Variants in GPC5 observed in about 807,000 individuals in gnomAD.
The protein encoded by GPC5 is glypican 5.
Under a neutral mutation model 53.9 loss-of-function variants are expected in GPC5, and 47 were observed. That is an observed-to-expected ratio of 0.87 (90% confidence interval 0.69 to 1.11). The LOEUF is 1.11. GPC5 is among the 50% of genes most tolerant of loss of function. GPC5 has a pLI of 0.00. For missense variants in GPC5, 748 were observed against 713.1 expected, an observed-to-expected ratio of 1.05 and a Z score of -0.56; for synonymous variants, 286 against 263.3, an observed-to-expected ratio of 1.09 and a Z score of -0.84.
At chr13:92,129,106 G>T (rs1273178837) in intron 6 of GPC5, among the ~76,000 whole-genome samples, 3 of 152,190 alleles carry the variant, frequency 2.0e-5, no homozygotes, top group African/African-American at 4.8e-5. Flanking sequence ...GCTGAATAGG[G>T]TGAAATGCTA....
At chr13:92,835,126 GATTT>G (rs2138825934) in intron 7 of GPC5, among the ~76,000 whole-genome samples, 1 of 151,924 alleles carries the variant, frequency 6.6e-6, no homozygotes, top group African/African-American at 2.4e-5. Flanking sequence ...TTTATTTTCA[GATTT>G]ATTACCAAAT....
At chr13:92,031,858 T>TATATAATATATTACATATTATATATA (rs2040852897) in intron 6 of GPC5, among the ~76,000 whole-genome samples, 1 of 83,280 alleles carries the variant, frequency 1.2e-5, no homozygotes, top group Non-Finnish European at 2.2e-5. Context: ...TTATATATAA[T>TATATAATATATTACATATTATATATA]ATATATATTA....
chr13:92,112,379 A>T (rs962749825), intron 6 of GPC5, among the ~76,000 whole-genome samples: 8 of 152,202 alleles, frequency 5.3e-5, no homozygotes, highest in Non-Finnish European at 8.8e-5. Context: ...GAAGTAGATT[A>T]AGAAGTGATG....
In GPC5 at chr13:92,385,738, T is replaced by C. The variant is rs567849398; in HGVS notation, c.1561+240749T>C. Among the ~76,000 whole-genome samples, 12 of 143,572 alleles carry C rather than the reference T, an allele frequency of 8.4e-5. No individual in the cohort carries two copies. In the South Asian group the frequency reaches 2.6e-3, roughly 31 times the overall value. The allele number at this position is 143,572 out of a possible 152,430, so 94.2% of individuals were successfully genotyped here. A position where few individuals can be genotyped will look rare whatever the true frequency, so the allele number is the denominator to read the frequency against. On this transcript the variant is annotated intron_variant, in intron 7 of 7. Transcript: ENST00000377067. ...ATATATACATATATACATGTATATATACGTATATATACACGTGTATATATA... is the reference window on the plus strand; with the variant it reads ...ATATATACATATATACATGTATATACACGTATATATACACGTGTATATATA...
At chr13:91,926,341 A>T (rs2039767360) in intron 6 of GPC5, among the ~76,000 whole-genome samples, 1 of 147,284 alleles carries the variant, frequency 6.8e-6, no homozygotes, top group Non-Finnish European at 1.5e-5. Context: ...AGGCTGGGTG[A>T]CAGAGTGAGA....
chr13:91,576,817 C>G (rs2032155438), intron 2 of GPC5, among the ~76,000 whole-genome samples: 1 of 152,118 alleles, frequency 6.6e-6, no homozygotes, highest in African/African-American at 2.4e-5. Context: ...CCAAACTCAG[C>G]TGAAGCCACC....
intron 7 of GPC5, among the ~76,000 whole-genome samples, chr13:92,254,947 G>T (rs2042717262): frequency 6.6e-6 from 1 of 151,886 alleles, no homozygotes; most frequent in Non-Finnish European, 1.5e-5. Flanking sequence ...ATATCACCAT[G>T]GATGGAAAAT....
At chr13:91,793,929 G>A (rs1324193070) in intron 5 of GPC5, among the ~76,000 whole-genome samples, 2 of 152,138 alleles carry the variant, frequency 1.3e-5, no homozygotes, top group East Asian at 3.9e-4. Context: ...TACAATTCGA[G>A]ATGAGATTTG....
chr13:92,021,486 G>T (rs1372740887), intron 6 of GPC5, among the ~76,000 whole-genome samples: 1 of 152,118 alleles, frequency 6.6e-6, no homozygotes, highest in Non-Finnish European at 1.5e-5. Flanking sequence ...GAACTGGGAA[G>T]GTTCTAATCA....
chr13:91,673,873 C>T lies in GPC5; in HGVS notation c.326-19314C>T, dbSNP rs566375469. Among the ~76,000 whole-genome samples the T allele has an allele frequency of 1.7e-4, 26 of 152,202 alleles. No homozygotes were observed. The South Asian group carries it at 5.2e-3, about 30-fold the overall frequency. ...CCTTTCTTTCCTCTTCTTTTACTCT[C>T]GTGATGAGGCCCTAGTGTTATCATT... On this transcript the variant is annotated intron_variant, in intron 2 of 7. Transcript: ENST00000377067.
intron 7 of GPC5, among the ~76,000 whole-genome samples, chr13:92,785,754 G>C (rs1195152822): frequency 6.6e-6 from 1 of 152,178 alleles, no homozygotes; most frequent in African/African-American, 2.4e-5. Context: ...CTGCTTCTGT[G>C]TAAGTCCAGG....
intron 7 of GPC5, among the ~76,000 whole-genome samples, chr13:92,565,315 A>G (rs901568280): frequency 2.0e-5 from 3 of 152,062 alleles, no homozygotes; most frequent in Admixed American, 6.6e-5. Context: ...AGGCACTTTC[A>G]CCTTGGTTTT....
chr13:92,860,906 T>C (rs189372721), intron 7 of GPC5, among the ~76,000 whole-genome samples: 176 of 152,194 alleles, frequency 1.2e-3, no homozygotes, highest in African/African-American at 4.1e-3. Context: ...TTTTATGCCC[T>C]GGATTAAATT....
intron 7 of GPC5, among the ~76,000 whole-genome samples, chr13:92,400,851 C>A (rs1444271217): frequency 6.6e-6 from 1 of 151,926 alleles, no homozygotes; most frequent in Non-Finnish European, 1.5e-5. Flanking sequence ...AAATGCTTGG[C>A]AAATAAAATG....
At chr13:92,221,279 C>T (rs1013919860) in intron 7 of GPC5, among the ~76,000 whole-genome samples, 8 of 152,080 alleles carry the variant, frequency 5.3e-5, no homozygotes, top group Middle Eastern at 3.2e-3. Context: ...TCAGACTGAG[C>T]GTTTTCTGAA....
chr13:91,541,917 A>G (rs941641686), intron 2 of GPC5, among the ~76,000 whole-genome samples: 1 of 151,444 alleles, frequency 6.6e-6, no homozygotes, highest in African/African-American at 2.4e-5. Flanking sequence ...TCTGAAATAA[A>G]TTTTCTTTAT....
intron 7 of GPC5, among the ~76,000 whole-genome samples, chr13:92,788,525 A>G (rs1876343167): frequency 6.6e-6 from 1 of 152,230 alleles, no homozygotes; most frequent in Non-Finnish European, 1.5e-5. Context: ...AGTACTTAAA[A>G]TCTAAATTTG....
intron 7 of GPC5, among the ~76,000 whole-genome samples, chr13:92,245,284 C>T (rs1204933050): frequency 1.3e-5 from 2 of 152,220 alleles, no homozygotes; most frequent in Non-Finnish European, 2.9e-5. Context: ...AAAGGGCTGT[C>T]CATGACTACC....
intron 7 of GPC5, among the ~76,000 whole-genome samples, chr13:92,827,483 G>C (rs796551440): frequency 7.2e-5 from 11 of 152,224 alleles, no homozygotes; most frequent in African/African-American, 2.2e-4. Context: ...AAGAAGGAGA[G>C]ATAGAGATCA....
Sources: gnomAD v4.1 joint callset for allele counts (sites outside exome capture counted in the v4.1 genomes callset) on GRCh38, gnomAD v4.1.1 for gene constraint, MANE v1.5 for transcripts, NCBI Gene and HGNC (gene_info 2026-07-23, HGNC 2026-07-21) for gene names.